IFI27: variants seen among roughly 807,000 people sequenced by gnomAD.
IFI27 encodes the protein interferon alpha inducible protein 27, also known as interferon alpha-inducible protein 27, mitochondrial.
A neutral mutation model predicts 8.9 loss-of-function variants in IFI27; 3 were observed. The ratio of observed to expected loss-of-function variants is 0.34; its 90% CI spans 0.15 to 0.87. The LOEUF (loss-of-function observed/expected upper bound fraction) is 0.87, where lower values mean the gene tolerates loss of function less well. IFI27 is among the 40% of genes least tolerant of loss of function. IFI27 has a pLI of 0.51. For synonymous variants in IFI27, 66 were observed against 67.3 expected (o/e 0.98, Z 0.09); for missense variants, 152 against 157.7 (o/e 0.96, Z 0.19).
In IFI27 at chr14:94,116,063, C is replaced by A; in HGVS notation, c.283+121C>A. 2 of 1,075,232 alleles carry A rather than the reference C, an allele frequency of 1.9e-6. No homozygotes were observed. The highest frequency in any genetic ancestry group is 1.4e-6 in the Non-Finnish European group (1 of 723,906). The allele number at this position is 1,075,232 out of a possible 1,614,324, so 66.6% of individuals were successfully genotyped here. On this transcript the variant is annotated intron_variant, in intron 4 of 4. Coordinates refer to ENST00000621160, the Ensembl canonical transcript of IFI27. This position sits in a 1 kb window ranked among gnomAD's most constrained non-coding sequence, Gnocchi z 4.3. ...CCCTGTTCCTCTGTCTCTCTCTACA[C>A]ATTCTCTCAGGGTTTCTCTGAGGGA... is the stretch of plus-strand genomic sequence containing the variant.
intron 2 of IFI27, among the ~76,000 whole-genome samples, chr14:94,112,605 G>A (rs1256508159): frequency 6.6e-6 from 1 of 152,194 alleles, no homozygotes; most frequent in African/African-American, 2.4e-5. Flanking sequence ...TTGAATGGGG[G>A]CACAGGGCCC....
intron 2 of IFI27, among the ~76,000 whole-genome samples, chr14:94,112,676 C>T (rs1887236777): frequency 6.6e-6 from 1 of 152,278 alleles, no homozygotes; most frequent in South Asian, 2.1e-4. Context: ...TGAGCCTGCA[C>T]TCACCCTTTG....
At chr14:94,109,022 G>A (rs967334164), upstream of IFI27, among the ~76,000 whole-genome samples, 2 of 152,156 alleles carry the variant, frequency 1.3e-5, no homozygotes, top group African/African-American at 2.4e-5. Flanking sequence ...TCCCACAGCC[G>A]AAAGCTCACA....
At chr14:94,114,826 C>T (rs1395329658) in intron 2 of IFI27, 25 bp from the exon 3 acceptor site, 2 of 1,613,350 alleles carry the variant, frequency 1.2e-6, no homozygotes, top group Admixed American at 1.7e-5. Context: ...TGGATCTACT[C>T]ACAGAATGTT....
At chr14:94,106,168 A>G (rs568899087), upstream of IFI27, among the ~76,000 whole-genome samples, 34 of 152,234 alleles carry the variant, frequency 2.2e-4, no homozygotes, top group African/African-American at 7.9e-4. Context: ...CTCTTTTATA[A>G]AGGCACTAAT....
chr14:94,114,994 A>T, intron 3 of IFI27, 114 bp downstream of exon 3: 2 of 929,824 alleles, frequency 2.2e-6, no homozygotes, highest in Non-Finnish European at 3.5e-6. Context: ...TCAGGGGAGG[A>T]GGTGGGGATG....
intron 2 of IFI27, chr14:94,112,084 C>G: frequency 2.1e-6 from 1 of 465,904 alleles, no homozygotes; most frequent in Non-Finnish European, 3.9e-6. Flanking sequence ...CTCCCTTCCC[C>G]CAGATTCACC....
chr14:94,115,798 G>A lies in IFI27; in HGVS notation c.139G>A (p.Val47Met), dbSNP rs200845428. The A allele has an allele frequency of 3.1e-6, 5 of 1,605,570 alleles. No homozygotes were observed. The South Asian group carries it at 4.5e-5, about 14-fold the overall frequency. The stretch of plus-strand genomic sequence containing the variant: ...CCCTGCAGTTGTGGCCATGGCGGCT[G>A]TGCCCATGGTGCTCAGTGCCATGGG... Residue 47 changes from valine to methionine, a missense_variant, in exon 4 of 5, where the codon GTG becomes ATG. Coordinates refer to ENST00000621160, the Ensembl canonical transcript of IFI27.
upstream of IFI27, among the ~76,000 whole-genome samples, chr14:94,108,785 C>CT (rs1174528549): frequency 6.6e-6 from 1 of 151,484 alleles, no homozygotes; most frequent in Non-Finnish European, 1.5e-5. Flanking sequence ...GGAGACAAAT[C>CT]TTTAAGTAAA....
chr14:94,110,335 G>T (rs530708243), upstream of IFI27, among the ~76,000 whole-genome samples: 19 of 152,350 alleles, frequency 1.2e-4, no homozygotes, highest in Admixed American at 3.3e-4. Flanking sequence ...ATCTAGCACA[G>T]TGGGCCTTCA....
rs1221835304 is a variant in IFI27 at position 94,116,247 on chromosome 14, T to C, written c.284-195T>C. The C allele has an allele frequency of 4.6e-6, 3 of 647,812 alleles. No homozygotes were observed. The highest frequency in any genetic ancestry group is 5.4e-5 in the East Asian group (2 of 36,788). The allele number at this position is 647,812 out of a possible 1,614,324, so 40.1% of individuals were successfully genotyped here. A position where few individuals can be genotyped will look rare whatever the true frequency, so the allele number is the denominator to read the frequency against. ...CTGCTTCTAGCTCTGGAGTTCACCA[T>C]GGGGGTTCATGCCTGCAGCAGCCTC... On this transcript the variant is annotated intron_variant, in intron 4 of 4. Transcript: ENST00000621160. The surrounding 1 kb of genome is among the most constrained non-coding windows in gnomAD (Gnocchi z 4.3).
chr14:94,112,523 C>T (rs1235612980), intron 2 of IFI27, among the ~76,000 whole-genome samples: 2 of 152,244 alleles, frequency 1.3e-5, no homozygotes, highest in Non-Finnish European at 2.9e-5. Context: ...TATCCCCTGC[C>T]CTTTACCTTT....
At chr14:94,109,433 A>AAGGAG (rs1887084920), upstream of IFI27, among the ~76,000 whole-genome samples, 1 of 151,638 alleles carries the variant, frequency 6.6e-6, no homozygotes, top group African/African-American at 2.4e-5. Context: ...AAGGAAAGGA[A>AAGGAG]GAAAAAAAGT....
chr14:94,111,124 C>A lies in IFI27; in HGVS notation c.-59+327C>A. On this transcript the variant is annotated intron_variant, in intron 1 of 4. Transcript: ENST00000621160. The surrounding 1 kb of genome is among the most constrained non-coding windows in gnomAD (Gnocchi z 4.3). ...TCCATGCCTGGGCGGGGTGTTGCTT[C>A]CCTATGGAAAGCTTCTGACCTGGAG... The A allele has an allele frequency of 6.5e-6, 1 of 154,516 alleles. No homozygotes were observed. Among genetic ancestry groups the A allele is most frequent in the Middle Eastern group, 5.6e-4 (1 of 1,800 alleles). The allele number at this position is 154,516 out of a possible 1,614,324, so 9.6% of individuals were successfully genotyped here.
chr14:94,106,398 T>C (rs1476825749), upstream of IFI27, among the ~76,000 whole-genome samples: 1 of 152,224 alleles, frequency 6.6e-6, no homozygotes, highest in East Asian at 1.9e-4. Flanking sequence ...TCCCTACTGT[T>C]TTCCATAGCA....
chr14:94,112,663 G>T (rs1887236027), intron 2 of IFI27, among the ~76,000 whole-genome samples: 1 of 152,230 alleles, frequency 6.6e-6, no homozygotes. Flanking sequence ...TCTAACCTCT[G>T]TTTGAGCCTG....
At chr14:94,112,141 G>A (rs550387724) in intron 2 of IFI27, 24 of 268,278 alleles carry the variant, frequency 8.9e-5, no homozygotes, top group African/African-American at 3.7e-4. Flanking sequence ...ATAGGGCCCC[G>A]TGTCCTATGG....
chr14:94,114,883 G>A lies in IFI27; in HGVS notation c.121+3G>A, dbSNP rs754450473. 6 of 1,614,158 alleles carry A rather than the reference G, an allele frequency of 3.7e-6. No homozygotes were observed. The highest frequency in any genetic ancestry group is 8.5e-7 in the Non-Finnish European group (1 of 1,179,964). On this transcript the variant is annotated splice_donor_region_variant and intron_variant, in intron 3 of 4. Transcript: ENST00000621160. The stretch of plus-strand genomic sequence containing the variant: ...TGCTACAGTTGTGATTGGAGGAGGT[G>A]AGTCTGTGGGGAAGGGGCTCAAGTA...
chr14:94,116,118 C>G lies in IFI27; in HGVS notation c.283+176C>G. 1 of 816,906 alleles carries G rather than the reference C, an allele frequency of 1.2e-6. No individual in the cohort carries two copies. The highest frequency in any genetic ancestry group is 1.5e-5 in the South Asian group (1 of 68,960). The allele number at this position is 816,906 out of a possible 1,614,324, so 50.6% of individuals were successfully genotyped here. ...GAGGAGGGAGGGAAGGAGCCCAAGCCAGGAACAGTGCACTCAGGAAGACTC... is the reference window on the plus strand; with the variant it reads ...GAGGAGGGAGGGAAGGAGCCCAAGCGAGGAACAGTGCACTCAGGAAGACTC... On this transcript the variant is annotated intron_variant, in intron 4 of 4. Coordinates refer to ENST00000621160, the Ensembl canonical transcript of IFI27. This position sits in a 1 kb window ranked among gnomAD's most constrained non-coding sequence, Gnocchi z 4.3.
Sources: gnomAD v4.1 joint callset for allele counts (sites outside exome capture counted in the v4.1 genomes callset) on GRCh38, gnomAD v4.1.1 for gene constraint, Gnocchi (gnomAD v3.1) non-coding constraint, MANE v1.5 for transcripts, NCBI Gene and HGNC (gene_info 2026-07-23, HGNC 2026-07-21) for gene names.